Variants in PSMG2 observed in about 807,000 individuals in gnomAD.
The protein encoded by PSMG2 is proteasome assembly chaperone 2.
A neutral mutation model predicts 31.5 loss-of-function variants in PSMG2; 21 were observed. The ratio of observed to expected loss-of-function variants is 0.67; its 90% CI spans 0.47 to 0.96. The LOEUF (loss-of-function observed/expected upper bound fraction) is 0.96. Among genes scored for constraint, PSMG2 ranks in the 40% least tolerant of loss-of-function variants. The pLI is 0.00. For synonymous variants in PSMG2, 120 were observed against 110.4 expected (o/e 1.09, Z -0.54); for missense variants, 318 against 321.2 (o/e 0.99, Z 0.08).
At chr18:12,669,819 G>A (rs961422455) in intron 1 of PSMG2, among the ~76,000 whole-genome samples, 6 of 151,946 alleles carry the variant, frequency 3.9e-5, no homozygotes, top group Non-Finnish European at 8.8e-5. Context: ...TGACCAACAT[G>A]CAGAAACCCT....
At chr18:12,680,931 G>C in intron 1 of PSMG2, 1 of 1,072,520 alleles carries the variant, frequency 9.3e-7, no homozygotes, top group Non-Finnish European at 1.3e-6. Flanking sequence ...GGGCACAGTG[G>C]CTCACGCCTG....
At chr18:12,702,619 C>T, upstream of PSMG2, 6 of 1,520,038 alleles carry the variant, frequency 3.9e-6, 1 homozygote, top group South Asian at 7.2e-5. Context: ...CCGGCCGGGC[C>T]AGGGAGCGTT....
chr18:12,659,510 T>C (rs964931429), intron 1 of PSMG2, among the ~76,000 whole-genome samples: 1 of 151,772 alleles, frequency 6.6e-6, no homozygotes, highest in Non-Finnish European at 1.5e-5. Flanking sequence ...CTACTAAAAA[T>C]ACAAAGAAAA....
chr18:12,712,841 TTAC>T, intron 3 of PSMG2, 81 bp downstream of exon 3: 3 of 1,089,050 alleles, frequency 2.8e-6, no homozygotes, highest in Non-Finnish European at 4.2e-6. Context: ...GATTCAAAAA[TTAC>T]TACTGTTTTT....
upstream of PSMG2, chr18:12,700,498 T>C (rs902762807): frequency 1.3e-5 from 2 of 153,840 alleles, no homozygotes; most frequent in African/African-American, 4.8e-5. Flanking sequence ...TATTGACCTA[T>C]TTGTATTAAA....
intron 1 of PSMG2, among the ~76,000 whole-genome samples, chr18:12,677,317 AATCCC>A (rs1188545591): frequency 1.3e-5 from 2 of 152,024 alleles, no homozygotes; most frequent in Non-Finnish European, 2.9e-5. Flanking sequence ...ACATGTCTAT[AATCCC>A]AGTTATTCAG....
At chr18:12,718,025 T>G (rs2040394794) in intron 3 of PSMG2, among the ~76,000 whole-genome samples, 1 of 151,012 alleles carries the variant, frequency 6.6e-6, no homozygotes, top group Non-Finnish European at 1.5e-5. Flanking sequence ...TTTTTTTTTT[T>G]TTTGAGAAAG....
chr18:12,711,587 T>C (rs1203603329), intron 2 of PSMG2, among the ~76,000 whole-genome samples: 2 of 152,054 alleles, frequency 1.3e-5, no homozygotes, highest in African/African-American at 4.8e-5. Context: ...ACGCCAGCCA[T>C]AGGAGACAAT....
At chr18:12,705,570 AGAGAGAGTGT>A (rs1268668663) in intron 1 of PSMG2, among the ~76,000 whole-genome samples, 35 of 126,206 alleles carry the variant, frequency 2.8e-4, no homozygotes, top group African/African-American at 6.8e-4. Context: ...AGAGAGAGAG[AGAGAGAGTGT>A]GTGTGTGTGT....
upstream of PSMG2, chr18:12,701,052 G>C (rs748572306): frequency 3.7e-6 from 6 of 1,613,444 alleles, no homozygotes; most frequent in Non-Finnish European, 5.1e-6. Flanking sequence ...CTGTTGATCA[G>C]GTGCCAATTC....
At chr18:12,679,643 A>G (rs984062776) in intron 1 of PSMG2, among the ~76,000 whole-genome samples, 1 of 152,214 alleles carries the variant, frequency 6.6e-6, no homozygotes, top group African/African-American at 2.4e-5. Flanking sequence ...ATGACAGGCT[A>G]AAGTACTTTA....
intron 5 of PSMG2, 105 bp downstream of exon 5, chr18:12,720,788 A>G (rs963862292): frequency 8.7e-7 from 1 of 1,153,530 alleles, no homozygotes; most frequent in African/African-American, 1.6e-5. Flanking sequence ...TGACAGAGCA[A>G]GACTCTGTCT....
chr18:12,702,703 G>T (rs1003036950), upstream of PSMG2: 25 of 809,806 alleles, frequency 3.1e-5, no homozygotes, highest in Non-Finnish European at 4.4e-5. Context: ...GCCGCGTCAG[G>T]CCGGGGGCTG....
At position 12,712,729 on chromosome 18, in the gene PSMG2, TG is replaced by T. The variant is rs777733190; in HGVS notation, c.259del (p.Ala87LeufsTer4). ...TATTCATTGCCTTCAAGAAAGCTGG[TG>T]GCTCTACAGTTAAGATCCATTTTTA... ...EVYSLPSRKL[V>X]ALQLRSIFIK... On this transcript the variant is annotated frameshift_variant, in exon 3 of 7. Coordinates refer to ENST00000317615, the MANE Select transcript of PSMG2 (RefSeq NM_020232.5). LOFTEE classifies it high-confidence loss of function. The T allele has an allele frequency of 3.1e-6, 5 of 1,608,530 alleles. No individual in the cohort carries two copies. The highest frequency in any genetic ancestry group is 4.3e-6 in the Non-Finnish European group (5 of 1,176,100).
chr18:12,663,581 ATCTT>A (rs980498275), intron 1 of PSMG2: 2 of 152,146 alleles, frequency 1.3e-5, no homozygotes, highest in Non-Finnish European at 2.9e-5. Flanking sequence ...GCACAAAAAT[ATCTT>A]TATTTTGTAG....
chr18:12,691,431 A>G, intron 1 of PSMG2: 1 of 1,609,402 alleles, frequency 6.2e-7, no homozygotes. Context: ...ACCACTGCTT[A>G]GCATATACAA....
chr18:12,659,594 T>C (rs2011585), intron 1 of PSMG2, among the ~76,000 whole-genome samples: 1 of 152,136 alleles, frequency 6.6e-6, no homozygotes, highest in East Asian at 1.9e-4. Context: ...CGCTTGAACC[T>C]GGGAGGTGGA....
chr18:12,698,877 C>T, upstream of PSMG2: 1 of 773,146 alleles, frequency 1.3e-6, no homozygotes, highest in South Asian at 2.0e-5. Context: ...GAGATTCCTC[C>T]ATTATAAATC....
Position 12,681,115 on chromosome 18 carries a change from G to T in PSMG2, c.-37+22342G>T, listed in dbSNP as rs991724153. On this transcript the variant is annotated intron_variant, in intron 1 of 6. Transcript: ENST00000585331. ...TCAGGAGGCGAGGCAAGAGAATCAC[G>T]TGAACTTGGGAGGCGGAGGTTGCAG... Among the ~76,000 whole-genome samples, 3 of 151,032 alleles carry T rather than the reference G, an allele frequency of 2.0e-5. 1 individual carries two copies. The South Asian group carries it at 6.3e-4, about 32-fold the overall frequency.
Sources: gnomAD v4.1 joint callset for allele counts (sites outside exome capture counted in the v4.1 genomes callset) on GRCh38, gnomAD v4.1.1 for gene constraint, MANE v1.5 for transcripts, NCBI Gene and HGNC (gene_info 2026-07-23, HGNC 2026-07-21) for gene names.